PHF20L1: variants seen among roughly 807,000 people sequenced by gnomAD.
PHF20L1 encodes the protein PHD finger protein 20-like protein 1.
In PHF20L1, 44 loss-of-function variants were observed where a neutral mutation model predicts 125.5. The ratio of observed to expected loss-of-function variants is 0.35; its 90% CI spans 0.28 to 0.45. PHF20L1 has a LOEUF of 0.45. Ranked by LOEUF, PHF20L1 falls within the 20% of genes least tolerant of loss-of-function variation. The pLI, the probability that PHF20L1 is intolerant of heterozygous loss-of-function variation, is 1.00. For synonymous variants in PHF20L1, 380 were observed against 403.1 expected, an observed-to-expected ratio of 0.94 and a Z score of 0.69; for missense variants, 1,012 against 1,217.2, an observed-to-expected ratio of 0.83 and a Z score of 2.51.
At chr8:132,826,671 T>C (rs1836218959) in intron 14 of PHF20L1, 3 of 151,918 alleles carry the variant, frequency 2.0e-5, no homozygotes, top group African/African-American at 7.3e-5. Flanking sequence ...AAAGAAAAAC[T>C]AGAGAATGAT....
intron 12 of PHF20L1, among the ~76,000 whole-genome samples, chr8:132,820,352 C>A (rs1055212932): frequency 6.6e-6 from 1 of 151,834 alleles, no homozygotes. Context: ...TCACAGGCAC[C>A]TTGGGCCAAC....
chr8:132,796,307 G>A (rs1335451886), intron 4 of PHF20L1, among the ~76,000 whole-genome samples: 1 of 152,112 alleles, frequency 6.6e-6, no homozygotes, highest in African/African-American at 2.4e-5. Flanking sequence ...GCAAAGATTG[G>A]TATATGAAGT....
chr8:132,837,471 A>C (rs1261278915), intron 16 of PHF20L1, among the ~76,000 whole-genome samples: 1 of 152,140 alleles, frequency 6.6e-6, no homozygotes, highest in Non-Finnish European at 1.5e-5. Flanking sequence ...TTATGACTTA[A>C]GTACTTGATC....
chr8:132,791,852 C>G (rs1291842901), intron 2 of PHF20L1, among the ~76,000 whole-genome samples: 1 of 152,050 alleles, frequency 6.6e-6, no homozygotes, highest in Non-Finnish European at 1.5e-5. Context: ...AGAGGATCCC[C>G]AAAACATAAT....
intron 17 of PHF20L1, chr8:132,838,533 A>G (rs1381942702): frequency 6.6e-6 from 1 of 152,168 alleles, no homozygotes; most frequent in East Asian, 1.9e-4. Flanking sequence ...CATATTCTGC[A>G]TATTGAATTT....
chr8:132,812,265 C>T (rs1056516711), intron 9 of PHF20L1: 13 of 984,180 alleles, frequency 1.3e-5, no homozygotes, highest in African/African-American at 1.7e-5. Flanking sequence ...ATGGTATTCT[C>T]AGAATGCGAT....
chr8:132,839,379 A>G lies in PHF20L1; in HGVS notation c.2192-8A>G, dbSNP rs367809180. On this transcript the variant is annotated splice_polypyrimidine_tract_variant and splice_region_variant and intron_variant, in intron 17 of 20. Coordinates refer to ENST00000395386, the MANE Select transcript of PHF20L1 (RefSeq NM_016018.5). ...TCCTCTGTGATTTAATATCAACTTC[A>G]TCTGCAGGTCAGAGGTGGAGTGCAA... 5.0e-6 allele frequency: 8 copies of G among 1,603,848 alleles called. No homozygotes were observed. The African/African-American group carries it at 1.1e-4, about 21-fold the overall frequency.
chr8:132,836,392 A>G (rs1837363723), intron 15 of PHF20L1, 148 bp from the exon 16 acceptor site: 1 of 554,176 alleles, frequency 1.8e-6, no homozygotes, highest in African/African-American at 1.9e-5. Flanking sequence ...ATGTCCAGAG[A>G]CAAGTACAGT....
intron 8 of PHF20L1, chr8:132,806,805 T>C (rs1181705103): frequency 6.6e-6 from 1 of 152,076 alleles, no homozygotes; most frequent in Non-Finnish European, 1.5e-5. Flanking sequence ...GTCCTTTTAC[T>C]ACTGAGAGGA....
At chr8:132,776,421 C>T (rs542440228) in intron 1 of PHF20L1, among the ~76,000 whole-genome samples, 1 of 152,304 alleles carries the variant, frequency 6.6e-6, no homozygotes, top group South Asian at 2.1e-4. Context: ...AACTGCCTTA[C>T]GTGTTGCGCA....
At chr8:132,829,035 G>C (rs867190838) in intron 14 of PHF20L1, among the ~76,000 whole-genome samples, 1 of 152,002 alleles carries the variant, frequency 6.6e-6, no homozygotes, top group Non-Finnish European at 1.5e-5. Context: ...TTATGTAGGA[G>C]ACTACTTCTG....
chr8:132,799,106 G>A lies in PHF20L1; in HGVS notation c.441G>A (p.Gln147=), dbSNP rs1832742116. The A allele has an allele frequency of 6.2e-7, 1 of 1,609,878 alleles. No homozygotes were observed. The highest frequency in any genetic ancestry group is 8.5e-7 in the Non-Finnish European group (1 of 1,177,414). ...PEDAKGQVKS[Q]HPLSWCCPID... is the part of the protein sequence containing the mutation. The stretch of plus-strand genomic sequence containing the variant: ...AGTTTCTGTTCCAGGTGAAATCCCA[G>A]CATCCACTAAGCTGGTGTTGTCCTA... The change falls in exon 6 of 21, where the codon CAG becomes CAA. Residue 147 remains glutamine (Q), a synonymous_variant. Transcript: ENST00000395386.
At chr8:132,779,983 G>A (rs1182401158) in intron 2 of PHF20L1, among the ~76,000 whole-genome samples, 1 of 152,044 alleles carries the variant, frequency 6.6e-6, no homozygotes, top group East Asian at 1.9e-4. Flanking sequence ...ATAAGCATTA[G>A]CCAGGATAAT....
intron 15 of PHF20L1, among the ~76,000 whole-genome samples, chr8:132,833,203 G>C (rs956433992): frequency 3.9e-5 from 6 of 152,042 alleles, no homozygotes; most frequent in Admixed American, 2.6e-4. Flanking sequence ...CCTTGTGAGT[G>C]AGCTCACTTC....
At chr8:132,803,677 T>A in intron 6 of PHF20L1, 142 bp from the exon 7 acceptor site, 1 of 587,004 alleles carries the variant, frequency 1.7e-6, no homozygotes, top group South Asian at 2.3e-5. Context: ...TCAGCTATCA[T>A]GTAAATATTG....
intron 19 of PHF20L1, 143 bp from the exon 20 acceptor site, chr8:132,844,013 C>T (rs1356908515): frequency 4.9e-6 from 7 of 1,429,552 alleles, no homozygotes; most frequent in Non-Finnish European, 6.4e-6. Flanking sequence ...GGTTATGTAG[C>T]AGTACTTCTT....
At chr8:132,842,469 A>ATT (rs71276510) in intron 18 of PHF20L1, 46 bp from the exon 19 acceptor site, 1,059 of 1,180,716 alleles carry the variant, frequency 9.0e-4, no homozygotes, top group Middle Eastern at 1.7e-3. Flanking sequence ...TTGTTAATAG[A>ATT]TTTTTTTTTT....
rs1049597382 is a variant in PHF20L1, at chr8:132,790,041, G to A, written c.84-4369G>A. Among the ~76,000 whole-genome samples, 5 of 152,218 alleles carry A rather than the reference G, an allele frequency of 3.3e-5. No individual in the cohort carries two copies. The South Asian group carries it at 1.0e-3, about 32-fold the overall frequency. On this transcript the variant is annotated intron_variant, in intron 2 of 20. Coordinates refer to ENST00000395386, the MANE Select transcript of PHF20L1 (RefSeq NM_016018.5). ...ATATTTTTCCAAATTACTCATAAATGTCTGGGATTGTGCCTAATCACTATT... is the reference window on the plus strand; with the variant it reads ...ATATTTTTCCAAATTACTCATAAATATCTGGGATTGTGCCTAATCACTATT...
rs145176895 is a variant in PHF20L1 at position 132,848,062 on chromosome 8, A to G, written c.*2139A>G. 6.6e-6 allele frequency: 1 copy of G among 152,186 alleles called. No individual in the cohort carries two copies. The highest frequency in any genetic ancestry group is 2.4e-5 in the African/African-American group (1 of 41,560). 9.4% of individuals were successfully genotyped at this position (152,186 alleles called of 1,614,324 possible). On this transcript the variant is annotated 3_prime_UTR_variant, in exon 21 of 21. Coordinates refer to ENST00000395386, the MANE Select transcript of PHF20L1 (RefSeq NM_016018.5). ...ATGGTGTTGCCTAGATTCTTGTCAC[A>G]CACACAGAAGACCCTTTGTACCTAG...
Sources: gnomAD v4.1 joint callset for allele counts (sites outside exome capture counted in the v4.1 genomes callset) on GRCh38, gnomAD v4.1.1 for gene constraint, MANE v1.5 for transcripts, NCBI Gene and HGNC (gene_info 2026-07-23, HGNC 2026-07-21) for gene names.